Variants in TXK observed in about 807,000 individuals in gnomAD.
TXK encodes TXK tyrosine kinase, also known as tyrosine-protein kinase TXK.
Under a neutral mutation model 81.0 loss-of-function variants are expected in TXK, and 60 were observed. The observed-to-expected ratio is 0.74, with a 90% confidence interval of 0.60 to 0.92. The LOEUF is 0.92. TXK is among the 40% of genes least tolerant of loss of function. TXK has a pLI of 0.00. For synonymous variants in TXK, 203 were observed against 210.7 expected, an observed-to-expected ratio of 0.96 and a Z score of 0.32; for missense variants, 581 against 638.3, an observed-to-expected ratio of 0.91 and a Z score of 0.97.
intron 1 of TXK, 65 bp downstream of exon 1, chr4:48,134,090 C>T: frequency 6.3e-7 from 1 of 1,585,170 alleles, no homozygotes; most frequent in Non-Finnish European, 8.6e-7. Context: ...ACTTCCTCTG[C>T]TGTTCAAGAA....
chr4:48,112,413 C>A lies in TXK; in HGVS notation c.274G>T (p.Asp92Tyr). The change falls in exon 4 of 15, where the codon GAT (aspartate) becomes TAT (tyrosine). Residue 92 changes from aspartate (D) to tyrosine (Y), a missense_variant. Asp to Tyr is a radical substitution (Grantham distance 160, BLOSUM62 -3). Transcript: ENST00000264316. ...EEKIQVKALY[D>Y]FLPREPCNLA... ...TTACAGGGTTCTCTGGGCAGAAAAT[C>A]ATAAAGTGCCTTGACTTGGATCTTC... 1 of 1,614,186 alleles carries A rather than the reference C, an allele frequency of 6.2e-7. No individual in the cohort carries two copies. The highest frequency in any genetic ancestry group is 1.1e-5 in the South Asian group (1 of 91,074).
intron 6 of TXK, among the ~76,000 whole-genome samples, chr4:48,098,358 T>C (rs1718065354): frequency 6.6e-6 from 1 of 152,192 alleles, no homozygotes; most frequent in Admixed American, 6.5e-5. Context: ...AATGTAAGAA[T>C]AATTCAGTAT....
chr4:48,101,078 G>A (rs1718173857), intron 6 of TXK, among the ~76,000 whole-genome samples: 1 of 152,034 alleles, frequency 6.6e-6, no homozygotes, highest in Non-Finnish European at 1.5e-5. Flanking sequence ...TTGGTGGCTT[G>A]CAGACAAGAT....
intron 1 of TXK, among the ~76,000 whole-genome samples, chr4:48,123,065 C>G (rs1203893646): frequency 2.0e-5 from 3 of 152,194 alleles, no homozygotes; most frequent in African/African-American, 7.2e-5. Flanking sequence ...TTAATATAAA[C>G]AAATTATTTA....
intron 5 of TXK, 148 bp from the exon 6 acceptor site, chr4:48,105,103 C>T: frequency 1.9e-6 from 1 of 539,972 alleles, no homozygotes; most frequent in East Asian, 3.2e-5. Flanking sequence ...CAATAATATA[C>T]TATTGTGGGT....
chr4:48,093,242 T>A (rs1717847710), intron 8 of TXK, among the ~76,000 whole-genome samples: 1 of 152,262 alleles, frequency 6.6e-6, no homozygotes, highest in African/African-American at 2.4e-5. Context: ...ATATTCCTGA[T>A]ACTTAGAACC....
Position 48,076,452 on chromosome 4 carries a change from A to G in TXK, c.1188T>C (p.Cys396=). 1 of 1,612,740 alleles carries G rather than the reference A, an allele frequency of 6.2e-7. No individual in the cohort carries two copies. Among genetic ancestry groups the G allele is most frequent in the Non-Finnish European group, 8.5e-7 (1 of 1,179,606 alleles). ...YIHRDLAARN[C]LVSSTCIVKI... ...TTACTATGCATGTTGAACTGACCAA[A>G]CAATTCCTTGCCGCCTATGGAAAGA... Residue 396 remains cysteine, a synonymous_variant, in exon 12 of 15, where the codon TGT becomes TGC. Transcript: ENST00000264316.
intron 1 of TXK, among the ~76,000 whole-genome samples, chr4:48,117,646 C>T (rs117905416): frequency 6.6e-6 from 1 of 152,222 alleles, no homozygotes; most frequent in African/African-American, 2.4e-5. Flanking sequence ...CAACAATACT[C>T]TAGTGCATTA....
chr4:48,074,214 A>G (rs1716975405), intron 12 of TXK, among the ~76,000 whole-genome samples, 161 bp from the exon 13 acceptor site: 1 of 152,188 alleles, frequency 6.6e-6, no homozygotes, highest in East Asian at 1.9e-4. Context: ...GTCCCTGATA[A>G]TGTTTCCTCC....
intron 1 of TXK, among the ~76,000 whole-genome samples, chr4:48,125,292 A>G (rs1301327100): frequency 1.3e-5 from 2 of 152,230 alleles, no homozygotes; most frequent in Non-Finnish European, 2.9e-5. Context: ...AGCTACTCTC[A>G]GTTACTTTAC....
chr4:48,076,235 A>G (rs1350581590), intron 12 of TXK, among the ~76,000 whole-genome samples, 167 bp downstream of exon 12: 1 of 152,212 alleles, frequency 6.6e-6, no homozygotes, highest in Non-Finnish European at 1.5e-5. Context: ...AAATTGGTAC[A>G]TGTCCCAAAA....
intron 6 of TXK, among the ~76,000 whole-genome samples, chr4:48,099,373 T>G (rs1237304391): frequency 5.3e-5 from 8 of 152,208 alleles, no homozygotes; most frequent in African/African-American, 1.9e-4. Flanking sequence ...ATTAGGTGTT[T>G]AATATACCTA....
chr4:48,106,187 A>C (rs1303572968), intron 5 of TXK: 1 of 152,208 alleles, frequency 6.6e-6, no homozygotes, highest in Non-Finnish European at 1.5e-5. Context: ...CGAAGCAAGC[A>C]CTCAAAAACA....
At chr4:48,118,960 A>G (rs961149950) in intron 1 of TXK, among the ~76,000 whole-genome samples, 1 of 152,328 alleles carries the variant, frequency 6.6e-6, no homozygotes, top group East Asian at 1.9e-4. Flanking sequence ...AAAGATATAC[A>G]GGAACCCAGG....
chr4:48,114,488 A>G, intron 1 of TXK, 86 bp from the exon 2 acceptor site: 1 of 1,361,892 alleles, frequency 7.3e-7, no homozygotes, highest in Non-Finnish European at 1.0e-6. Context: ...GAGACGAATT[A>G]TTATAAAGCG....
chr4:48,081,875 T>C (rs1435996600), intron 10 of TXK, among the ~76,000 whole-genome samples: 1 of 152,204 alleles, frequency 6.6e-6, no homozygotes, highest in Non-Finnish European at 1.5e-5. Flanking sequence ...CTTCGCCTGA[T>C]ATAATAATGT....
At chr4:48,110,113 A>G (rs1241808578) in intron 5 of TXK, among the ~76,000 whole-genome samples, 11 of 152,256 alleles carry the variant, frequency 7.2e-5, no homozygotes. Flanking sequence ...CATGCCAAAC[A>G]GTTCTTCCAA....
chr4:48,112,185 T>G, intron 4 of TXK, 122 bp downstream of exon 4: 1 of 911,770 alleles, frequency 1.1e-6, no homozygotes, highest in Admixed American at 2.1e-5. Context: ...CTCTCACACA[T>G]CCTGGGGGAG....
intron 1 of TXK, among the ~76,000 whole-genome samples, chr4:48,120,652 G>A (rs1025284373): frequency 2.0e-5 from 3 of 151,778 alleles, no homozygotes; most frequent in Non-Finnish European, 4.4e-5. Flanking sequence ...CACCATGCCC[G>A]GCTAATTTTT....
Sources: gnomAD v4.1 joint callset for allele counts (sites outside exome capture counted in the v4.1 genomes callset) on GRCh38, gnomAD v4.1.1 for gene constraint, MANE v1.5 for transcripts, NCBI Gene and HGNC (gene_info 2026-07-23, HGNC 2026-07-21) for gene names.